The following PSD3 variants were observed in gnomAD, a reference collection of about 807,000 sequenced individuals.
PSD3 encodes the protein pleckstrin and Sec7 domain containing 3.
A neutral mutation model predicts 105.5 loss-of-function variants in PSD3; 49 were observed. The ratio of observed to expected loss-of-function variants is 0.46; its 90% CI spans 0.37 to 0.59. PSD3 has a LOEUF of 0.59. Among genes scored for constraint, PSD3 ranks in the 20% least tolerant of loss-of-function variants. The pLI is 0.00. For missense variants in PSD3, 1,561 were observed against 1,263.8 expected (o/e 1.24, Z -3.57); for synonymous variants, 557 against 457.8 (o/e 1.22, Z -2.77).
intron 9 of PSD3, among the ~76,000 whole-genome samples, chr8:18,687,751 G>C (rs1800741686): frequency 6.6e-6 from 1 of 151,942 alleles, no homozygotes; most frequent in African/African-American, 2.4e-5. Context: ...GACTATAAAT[G>C]GAAGCATGAT....
At chr8:18,854,813 C>T (rs17468284) in intron 4 of PSD3, among the ~76,000 whole-genome samples, 113,537 of 152,094 alleles carry the variant, frequency 0.75, 43,031 homozygotes, top group East Asian at 0.94. Context: ...CACTTAATCT[C>T]ATGTAATTTG....
At position 18,828,674 on chromosome 8, in the gene PSD3, G is replaced by A. The variant is rs145433876; in HGVS notation, c.1635-23776C>T. On this transcript the variant is annotated intron_variant, in intron 4 of 15. Transcript: ENST00000327040. ...TCAATACAAAGAAATACAAAAGTTA[G>A]CTGGGGCTGGGCGAGGTGGCTCATG... Among the ~76,000 whole-genome samples the A allele has an allele frequency of 1.1e-3, 166 of 152,068 alleles. 2 individuals are homozygous for A. The highest frequency in any genetic ancestry group is 3.9e-3 in the African/African-American group (160 of 41,500).
chr8:18,912,115 C>G (rs1820261545), intron 2 of PSD3, among the ~76,000 whole-genome samples: 1 of 152,172 alleles, frequency 6.6e-6, no homozygotes. Context: ...ATCTTGTCTT[C>G]TGGGGCCTAC....
intron 9 of PSD3, among the ~76,000 whole-genome samples, chr8:18,750,878 C>A (rs1293435895): frequency 6.6e-6 from 1 of 152,092 alleles, no homozygotes; most frequent in Non-Finnish European, 1.5e-5. Flanking sequence ...ATTTACAAAC[C>A]TTGAGCTAGA....
intron 9 of PSD3, among the ~76,000 whole-genome samples, chr8:18,673,656 C>G (rs563430682): frequency 2.0e-5 from 3 of 152,176 alleles, no homozygotes; most frequent in Non-Finnish European, 4.4e-5. Flanking sequence ...TTCTCTTTCA[C>G]TTCTTCAAGC....
chr8:18,895,385 T>A (rs2129460065), intron 2 of PSD3, among the ~76,000 whole-genome samples: 1 of 152,332 alleles, frequency 6.6e-6, no homozygotes, highest in Non-Finnish European at 1.5e-5. Context: ...TTCAGAGTCA[T>A]CATATCTCCC....
At position 18,982,290 on chromosome 8, in the gene PSD3, C is replaced by T. The variant is rs145514552; in HGVS notation, c.21+31273G>A. Among the ~76,000 whole-genome samples, 827 of 152,258 alleles carry T rather than the reference C, an allele frequency of 5.4e-3. 4 individuals carry two copies. Among genetic ancestry groups the T allele is most frequent in the African/African-American group, 0.019 (791 of 41,556 alleles). On this transcript the variant is annotated intron_variant, in intron 1 of 15. Coordinates refer to ENST00000327040, the MANE Select transcript of PSD3 (RefSeq NM_015310.4). ...TTAATTCTAGTTCTCTTGCTATTTC[C>T]ATCAAATCTGTAGCTACTTTCTCCA...
At chr8:18,802,141 A>C (rs1346828246) in intron 6 of PSD3, 3 of 207,724 alleles carry the variant, frequency 1.4e-5, no homozygotes, top group Admixed American at 4.9e-5. Context: ...GTCTGTTATC[A>C]CATTTTAATA....
At chr8:18,556,887 T>C (rs1487497856) in intron 14 of PSD3, among the ~76,000 whole-genome samples, 1 of 152,252 alleles carries the variant, frequency 6.6e-6, no homozygotes, top group African/African-American at 2.4e-5. Context: ...CATGCAGCTA[T>C]CTCGCTTTTC....
At chr8:18,816,988 T>G (rs1197932099) in intron 4 of PSD3, among the ~76,000 whole-genome samples, 1 of 152,140 alleles carries the variant, frequency 6.6e-6, no homozygotes, top group African/African-American at 2.4e-5. Flanking sequence ...GGATGTGGCT[T>G]TGCAAGCTAT....
intron 9 of PSD3, among the ~76,000 whole-genome samples, chr8:18,736,052 C>T (rs1804127237): frequency 6.6e-6 from 1 of 152,118 alleles, no homozygotes; most frequent in South Asian, 2.1e-4. Flanking sequence ...TGACAAATTT[C>T]AACTTTCTTA....
intron 4 of PSD3, among the ~76,000 whole-genome samples, chr8:18,829,802 C>T (rs1325863764): frequency 2.6e-5 from 4 of 151,988 alleles, no homozygotes; most frequent in African/African-American, 7.2e-5. Context: ...GATACTCTAC[C>T]GTTTGAGAGA....
At chr8:18,947,242 A>C (rs193042983) in intron 1 of PSD3, among the ~76,000 whole-genome samples, 1 of 152,246 alleles carries the variant, frequency 6.6e-6, no homozygotes, top group East Asian at 1.9e-4. Context: ...TGAAGGTTAG[A>C]AACAGCATGG....
At chr8:18,770,278 A>G (rs1252049070) in intron 8 of PSD3, among the ~76,000 whole-genome samples, 1 of 152,000 alleles carries the variant, frequency 6.6e-6, no homozygotes, top group African/African-American at 2.4e-5. Flanking sequence ...TTCTTTAGAG[A>G]AAGGCCTGTT....
chr8:18,930,247 G>A (rs559788262), intron 2 of PSD3, among the ~76,000 whole-genome samples: 1 of 152,212 alleles, frequency 6.6e-6, no homozygotes, highest in East Asian at 1.9e-4. Context: ...TTACCCACAG[G>A]TGAGATCTCA....
intron 12 of PSD3, among the ~76,000 whole-genome samples, chr8:18,591,582 G>C (rs1274661459): frequency 2.6e-5 from 4 of 152,156 alleles, no homozygotes; most frequent in Admixed American, 2.6e-4. Flanking sequence ...AACTAGCATA[G>C]CTTGGAAGCC....
At chr8:18,968,936 C>A (rs1433422174) in intron 1 of PSD3, among the ~76,000 whole-genome samples, 11 of 146,834 alleles carry the variant, frequency 7.5e-5, no homozygotes, top group Non-Finnish European at 1.3e-4. Context: ...CCCAACACCA[C>A]TGGGGATACG....
chr8:18,861,292 G>A (rs961496854), intron 4 of PSD3, among the ~76,000 whole-genome samples: 2 of 152,252 alleles, frequency 1.3e-5, no homozygotes, highest in South Asian at 2.1e-4. Flanking sequence ...ATTTTCTACA[G>A]AGATGGCATT....
At chr8:18,950,065 T>C (rs935490972) in intron 1 of PSD3, among the ~76,000 whole-genome samples, 1 of 152,150 alleles carries the variant, frequency 6.6e-6, no homozygotes, top group Non-Finnish European at 1.5e-5. Flanking sequence ...GGGCAGTCAA[T>C]AGGTGCCCAA....
Sources: allele counts gnomAD v4.1 joint callset (sites outside exome capture counted in the v4.1 genomes callset), GRCh38; gene constraint gnomAD v4.1.1; transcripts MANE v1.5; gene names NCBI Gene and HGNC (gene_info 2026-07-23, HGNC 2026-07-21).